Variants in TEX11 observed in about 807,000 individuals in gnomAD.
The protein encoded by TEX11 is testis-expressed protein 11.
In TEX11, 7 loss-of-function variants were observed where a neutral mutation model predicts 84.4. That is an observed-to-expected ratio of 0.08 (90% CI 0.05 to 0.16). The LOEUF (loss-of-function observed/expected upper bound fraction) is 0.16, where lower values mean the gene tolerates loss of function less well. Ranked by LOEUF, TEX11 falls within the 10% of genes least tolerant of loss-of-function variation. The pLI is 1.00. For missense variants in TEX11, 551 were observed against 660.5 expected (o/e 0.83, Z 1.82); for synonymous variants, 264 against 222.8 (o/e 1.18, Z -1.64).
At chrX:70,718,370 C>T (rs2147713472) in intron 13 of TEX11, among the ~76,000 whole-genome samples, 1 of 112,271 alleles carries the variant, frequency 8.9e-6, no homozygotes, top group South Asian at 3.7e-4. Flanking sequence ...TAATCACTTC[C>T]ATCTCTGGAC....
chrX:70,903,532 T>C (rs1386418173), intron 2 of TEX11, among the ~76,000 whole-genome samples: 4 of 110,919 alleles, frequency 3.6e-5, no homozygotes, highest in Admixed American at 1.9e-4. Context: ...CACATGACTG[T>C]ATTTTATGCT....
chrX:70,829,701 G>C (rs1219148939), intron 8 of TEX11, among the ~76,000 whole-genome samples: 1 of 109,836 alleles, frequency 9.1e-6, no homozygotes, highest in African/African-American at 3.3e-5. Context: ...AAAGTGTAGA[G>C]TTTTTATTAG....
intron 3 of TEX11, among the ~76,000 whole-genome samples, chrX:70,877,373 GAAC>G (rs759963169): frequency 8.1e-5 from 9 of 110,709 alleles, no homozygotes; most frequent in African/African-American, 1.3e-4. Context: ...TAAAAAAACA[GAAC>G]AACAAGTATT....
chrX:70,521,538 A>G, the TEX11 span, among the ~76,000 whole-genome samples: 1 of 111,399 alleles, frequency 9.0e-6, no homozygotes, highest in African/African-American at 3.3e-5. Context: ...TGGCCTCTCA[A>G]AGTGTTGGGA....
intron 16 of TEX11, among the ~76,000 whole-genome samples, chrX:70,661,411 AG>A (rs1763764717): frequency 8.9e-6 from 1 of 112,633 alleles, no homozygotes; most frequent in South Asian, 3.7e-4. Flanking sequence ...CCGCAGCTCA[AG>A]GAGGCCTGCC....
downstream of TEX11, among the ~76,000 whole-genome samples, chrX:70,524,366 C>T (rs1352693436): frequency 2.7e-5 from 3 of 112,169 alleles, no homozygotes; most frequent in African/African-American, 9.7e-5. Context: ...CTTCACCAAG[C>T]TCTGTCTCAG....
rs747663262 is a variant in TEX11, at chrX:70,731,984, C to T, written c.844-6641G>A. On this transcript the variant is annotated intron_variant, in intron 11 of 29. Transcript: ENST00000374333. Reference sequence around the variant, plus strand: ...TCAAGTGGACTTCATCCCTGGGATGCGAGGCTGGTTCAACATGTGCAAATC... The same window carrying T: ...TCAAGTGGACTTCATCCCTGGGATGTGAGGCTGGTTCAACATGTGCAAATC... 3.6e-5 allele frequency among the ~76,000 whole-genome samples: 4 copies of T among 111,986 alleles called. No homozygotes were observed. The South Asian group carries it at 1.1e-3, about 32-fold the overall frequency.
At position 70,538,202 on chromosome X, in the gene TEX11, G is replaced by A. The variant is rs151130849; in HGVS notation, c.2521-8203C>T. ...GGAAAAACTCTGTCTTGTTTTGGGG[G>A]TTGAATGAGGTTATGGATAGATAGC... On this transcript the variant is annotated intron_variant, in intron 28 of 29. Transcript: ENST00000374333. Among the ~76,000 whole-genome samples, 601 of 111,471 alleles carry A rather than the reference G, an allele frequency of 5.4e-3. 1 individual carries two copies. Among genetic ancestry groups the A allele is most frequent in the Non-Finnish European group, 9.7e-3 (515 of 53,128 alleles).
chrX:70,898,664 G>A (rs1251245564), intron 2 of TEX11, among the ~76,000 whole-genome samples: 1 of 107,338 alleles, frequency 9.3e-6, no homozygotes, highest in African/African-American at 3.4e-5. Context: ...GGAGTGCAGT[G>A]GCGCAATCTC....
At chrX:70,710,659 C>T (rs966835818) in intron 13 of TEX11, among the ~76,000 whole-genome samples, 3 of 109,643 alleles carry the variant, frequency 2.7e-5, no homozygotes, top group Non-Finnish European at 5.7e-5. Context: ...AGATCAGGTC[C>T]CATTCCAGAC....
At chrX:70,609,769 A>T (rs1339936065) in intron 21 of TEX11, among the ~76,000 whole-genome samples, 2 of 111,943 alleles carry the variant, frequency 1.8e-5, no homozygotes, top group Non-Finnish European at 3.8e-5. Flanking sequence ...TTTCTAAGAT[A>T]TGAACTTTTT....
At chrX:70,565,747 T>C (rs1350865429) in intron 25 of TEX11, among the ~76,000 whole-genome samples, 1 of 110,939 alleles carries the variant, frequency 9.0e-6, no homozygotes, top group Admixed American at 9.6e-5. Context: ...GGCTCTGTTC[T>C]GTTCCATTGA....
chrX:70,732,539 C>T (rs1415072079), intron 11 of TEX11, among the ~76,000 whole-genome samples: 1 of 111,658 alleles, frequency 9.0e-6, no homozygotes, highest in Non-Finnish European at 1.9e-5. Context: ...CATGAGTGAA[C>T]TCCCATTCAC....
chrX:70,718,701 C>A (rs1451309033), intron 13 of TEX11, among the ~76,000 whole-genome samples: 1 of 111,828 alleles, frequency 8.9e-6, no homozygotes, highest in African/African-American at 3.2e-5. Flanking sequence ...AGTATTTATT[C>A]CCCAGTTGCT....
intron 7 of TEX11, among the ~76,000 whole-genome samples, chrX:70,842,290 A>G (rs1387038204): frequency 9.0e-6 from 1 of 111,293 alleles, no homozygotes; most frequent in South Asian, 3.8e-4. Context: ...ACCATGATTA[A>G]GTGGGCTTCA....
intron 4 of TEX11, among the ~76,000 whole-genome samples, chrX:70,869,875 T>C (rs922559130): frequency 1.2e-4 from 13 of 112,284 alleles, no homozygotes; most frequent in African/African-American, 4.2e-4. Context: ...CTGACATTCA[T>C]AATCCAGCTG....
chrX:70,800,893 A>T (rs767189264), intron 9 of TEX11, among the ~76,000 whole-genome samples: 1 of 110,927 alleles, frequency 9.0e-6, no homozygotes, highest in Non-Finnish European at 1.9e-5. Context: ...TTACTTATGT[A>T]AATGTCAACC....
At chrX:70,643,723 GA>G in intron 17 of TEX11, among the ~76,000 whole-genome samples, 1 of 103,012 alleles carries the variant, frequency 9.7e-6, no homozygotes. Flanking sequence ...GCCATATGTA[GA>G]AAGCTGAAAC....
intron 24 of TEX11, among the ~76,000 whole-genome samples, chrX:70,597,965 T>C (rs1672527978): frequency 8.9e-6 from 1 of 111,868 alleles, no homozygotes; most frequent in Admixed American, 9.5e-5. Flanking sequence ...GGGGATCAGT[T>C]GAGATAAGGA....
Sources: gnomAD v4.1 joint callset for allele counts (sites outside exome capture counted in the v4.1 genomes callset) on GRCh38, gnomAD v4.1.1 for gene constraint, MANE v1.5 for transcripts, NCBI Gene and HGNC (gene_info 2026-07-23, HGNC 2026-07-21) for gene names.